Variants in CPA6 observed in about 807,000 individuals in gnomAD.
The protein encoded by CPA6 is carboxypeptidase A6.
CPA6 carries 58 observed loss-of-function variants against 63.3 expected under a neutral mutation model. The observed-to-expected ratio is 0.92, with a 90% CI of 0.74 to 1.14. CPA6 has a LOEUF of 1.14. CPA6 is among the 50% of genes most tolerant of loss of function. The probability of loss-of-function intolerance (pLI) is 0.00; values close to 1 mark genes in which losing one functional copy is unlikely to be tolerated. For missense variants in CPA6, 565 were observed against 526.6 expected (o/e 1.07, Z -0.71); for synonymous variants, 185 against 179.0 (o/e 1.03, Z -0.27).
chr8:67,513,026 T>A (rs1007251222), intron 3 of CPA6, among the ~76,000 whole-genome samples: 6 of 152,212 alleles, frequency 3.9e-5, no homozygotes, highest in Non-Finnish European at 8.8e-5. Context: ...CAGGAATTGA[T>A]CATTGACTTA....
At chr8:67,466,959 A>G (rs745674791) in intron 8 of CPA6, among the ~76,000 whole-genome samples, 2 of 152,182 alleles carry the variant, frequency 1.3e-5, no homozygotes, top group Non-Finnish European at 2.9e-5. Context: ...AAATAATTAC[A>G]TTGCCAGCAT....
At chr8:67,584,902 T>C (rs1358358753) in intron 2 of CPA6, among the ~76,000 whole-genome samples, 1 of 152,174 alleles carries the variant, frequency 6.6e-6, no homozygotes, top group Non-Finnish European at 1.5e-5. Flanking sequence ...CAGGACTGTT[T>C]GGAGGGCTGC....
intron 8 of CPA6, among the ~76,000 whole-genome samples, chr8:67,462,661 CTCTT>C (rs780477350): frequency 1.6e-4 from 25 of 152,190 alleles, no homozygotes; most frequent in African/African-American, 5.8e-4. Flanking sequence ...TCTTGTCTCT[CTCTT>C]TCTCTTTTAA....
At chr8:67,521,025 A>T (rs1812248230) in intron 2 of CPA6, among the ~76,000 whole-genome samples, 1 of 152,242 alleles carries the variant, frequency 6.6e-6, no homozygotes, top group African/African-American at 2.4e-5. Flanking sequence ...GCCTGATCAC[A>T]TCTGGATGAG....
At chr8:67,686,170 G>C (rs1221409464) in intron 1 of CPA6, among the ~76,000 whole-genome samples, 1 of 152,174 alleles carries the variant, frequency 6.6e-6, no homozygotes, top group Non-Finnish European at 1.5e-5. Context: ...ATTCTCTCAT[G>C]TTCTGAGTAA....
At chr8:67,646,141 G>A (rs1316627150) in intron 1 of CPA6, among the ~76,000 whole-genome samples, 1 of 152,152 alleles carries the variant, frequency 6.6e-6, no homozygotes, top group Admixed American at 6.5e-5. Context: ...CACCATGACA[G>A]GTGACAAACA....
intron 8 of CPA6, among the ~76,000 whole-genome samples, chr8:67,445,724 A>C (rs1810395904): frequency 6.6e-6 from 1 of 152,190 alleles, no homozygotes; most frequent in South Asian, 2.1e-4. Flanking sequence ...AAAGAATGTG[A>C]GAACATAAAG....
At chr8:67,468,757 C>T (rs933095225) in intron 8 of CPA6, among the ~76,000 whole-genome samples, 5 of 152,092 alleles carry the variant, frequency 3.3e-5, no homozygotes, top group Non-Finnish European at 5.9e-5. Context: ...AAAATCTGCA[C>T]AGCTCAGCGT....
intron 1 of CPA6, among the ~76,000 whole-genome samples, chr8:67,680,842 G>T (rs1470361251): frequency 1.3e-5 from 2 of 152,082 alleles, no homozygotes; most frequent in African/African-American, 2.4e-5. Flanking sequence ...TCTCATTGTT[G>T]TTATAATTTG....
rs921889540 is a variant in CPA6 at position 67,598,642 on chromosome 8, C to T, written c.192+25534G>A. Among the ~76,000 whole-genome samples the T allele has an allele frequency of 2.2e-4, 34 of 152,076 alleles. 1 individual carries two copies. The highest frequency in any genetic ancestry group is 2.0e-3 in the Admixed American group (30 of 15,272). ...TATTAAAATGTAGATGAAAATTAGT[C>T]TTCCTGTTATGGCATCAAAAATAGA... On this transcript the variant is annotated intron_variant, in intron 2 of 10. Transcript: ENST00000297770.
At chr8:67,637,878 C>G (rs562234173) in intron 1 of CPA6, among the ~76,000 whole-genome samples, 2 of 151,334 alleles carry the variant, frequency 1.3e-5, no homozygotes, top group Admixed American at 1.3e-4. Flanking sequence ...GAAATTAGAG[C>G]ATATGTAAGA....
intron 8 of CPA6, among the ~76,000 whole-genome samples, chr8:67,446,343 A>C (rs946651037): frequency 1.3e-5 from 2 of 151,814 alleles, no homozygotes; most frequent in Admixed American, 1.3e-4. Context: ...TTAAATAGAG[A>C]TAGAGTCTCG....
At chr8:67,533,758 A>T (rs1334224003) in intron 2 of CPA6, among the ~76,000 whole-genome samples, 1 of 152,144 alleles carries the variant, frequency 6.6e-6, no homozygotes, top group East Asian at 1.9e-4. Flanking sequence ...CTGCTCCTTG[A>T]TCTTTCTGGG....
intron 2 of CPA6, among the ~76,000 whole-genome samples, chr8:67,558,928 A>C (rs546554193): frequency 6.6e-6 from 1 of 152,340 alleles, no homozygotes; most frequent in East Asian, 1.9e-4. Context: ...AATGTGCATG[A>C]GTCAGTGAAA....
At chr8:67,643,899 AG>A (rs772317780) in intron 1 of CPA6, among the ~76,000 whole-genome samples, 5 of 152,176 alleles carry the variant, frequency 3.3e-5, no homozygotes, top group Non-Finnish European at 7.3e-5. Flanking sequence ...CGATGTCTAT[AG>A]ATCACATAGA....
chr8:67,422,728 C>T (rs1809795497), intron 10 of CPA6, 37 bp from the exon 11 acceptor site: 5 of 1,508,944 alleles, frequency 3.3e-6, no homozygotes, highest in East Asian at 2.3e-5. Flanking sequence ...ATCAGCCTCA[C>T]TAAAGAGTCA....
rs538758537 is a variant in CPA6 at position 67,663,147 on chromosome 8, C to G, written c.117-38896G>C. ...AAATAAAAACTAAATGTATGCACTG[C>G]ATTAACTAACTCAGAGAAAAACAGC... On this transcript the variant is annotated intron_variant, in intron 1 of 10. Coordinates refer to ENST00000297770, the MANE Select transcript of CPA6 (RefSeq NM_020361.5). Among the ~76,000 whole-genome samples, 5 of 152,206 alleles carry G rather than the reference C, an allele frequency of 3.3e-5. No homozygotes were observed. In the South Asian group the frequency reaches 1.0e-3, roughly 32 times the overall value.
chr8:67,509,368 C>A, intron 5 of CPA6, 149 bp downstream of exon 5: 1 of 475,648 alleles, frequency 2.1e-6, no homozygotes, highest in Non-Finnish European at 3.7e-6. Context: ...GTTCAGAAAC[C>A]TAAGGGAAAG....
chr8:67,572,749 A>C (rs369476484), intron 2 of CPA6, among the ~76,000 whole-genome samples: 1 of 152,370 alleles, frequency 6.6e-6, no homozygotes, highest in East Asian at 1.9e-4. Context: ...TTCCAAAAAA[A>C]CTGAAGAGAA....
Sources: gnomAD v4.1 joint callset for allele counts (sites outside exome capture counted in the v4.1 genomes callset) on GRCh38, gnomAD v4.1.1 for gene constraint, MANE v1.5 for transcripts, NCBI Gene and HGNC (gene_info 2026-07-23, HGNC 2026-07-21) for gene names.